PDE11A: variants seen among roughly 807,000 people sequenced by gnomAD.
PDE11A encodes the protein dual 3',5'-cyclic-AMP and -GMP phosphodiesterase 11A.
A neutral mutation model predicts 100.5 loss-of-function variants in PDE11A; 100 were observed. The ratio of observed to expected loss-of-function variants is 1.00; its 90% CI spans 0.85 to 1.18. The LOEUF (loss-of-function observed/expected upper bound fraction) is 1.18. Ranked by LOEUF, PDE11A falls within the 50% of genes most tolerant of loss-of-function variation. PDE11A has a pLI of 0.00. For synonymous variants in PDE11A, 381 were observed against 420.8 expected, an observed-to-expected ratio of 0.91 and a Z score of 1.16; for missense variants, 1,141 against 1,152.6, an observed-to-expected ratio of 0.99 and a Z score of 0.15.
chr2:177,954,107 C>A (rs1574304891), intron 2 of PDE11A, among the ~76,000 whole-genome samples: 1 of 151,620 alleles, frequency 6.6e-6, no homozygotes, highest in East Asian at 1.9e-4. Context: ...TCTTTGAAAT[C>A]CTGAATCCTA....
At chr2:177,796,864 C>T (rs887334712) in intron 9 of PDE11A, among the ~76,000 whole-genome samples, 9 of 152,140 alleles carry the variant, frequency 5.9e-5, no homozygotes, top group African/African-American at 2.2e-4. Context: ...TTAGACTCAG[C>T]AACTGCTCCA....
intron 1 of PDE11A, among the ~76,000 whole-genome samples, chr2:178,016,621 T>C (rs565239335): frequency 6.6e-6 from 1 of 152,130 alleles, no homozygotes; most frequent in Admixed American, 6.5e-5. Context: ...AGAGACTGAA[T>C]ATGAAGGACT....
intron 1 of PDE11A, among the ~76,000 whole-genome samples, chr2:178,041,412 T>C (rs2086681776): frequency 6.6e-6 from 1 of 151,636 alleles, no homozygotes; most frequent in African/African-American, 2.4e-5. Context: ...CCCGGCTAAT[T>C]TTTGTATTTT....
intron 2 of PDE11A, among the ~76,000 whole-genome samples, chr2:177,935,155 A>C (rs1428044149): frequency 1.3e-5 from 2 of 152,156 alleles, no homozygotes; most frequent in African/African-American, 4.8e-5. Flanking sequence ...AAGCACACAA[A>C]ATATCTTGTT....
intron 6 of PDE11A, among the ~76,000 whole-genome samples, chr2:177,824,337 G>C (rs941869750): frequency 3.9e-5 from 6 of 152,192 alleles, no homozygotes; most frequent in African/African-American, 7.2e-5. Context: ...TAAGTTAATT[G>C]CATAGTTATT....
At chr2:177,645,293 C>G (rs1287925597) in intron 19 of PDE11A, among the ~76,000 whole-genome samples, 1 of 152,220 alleles carries the variant, frequency 6.6e-6, no homozygotes, top group East Asian at 1.9e-4. Context: ...TCAAGTGATT[C>G]TCTTGCCTCA....
intron 10 of PDE11A, among the ~76,000 whole-genome samples, chr2:177,755,685 A>G (rs2082081674): frequency 6.6e-6 from 1 of 152,236 alleles, no homozygotes; most frequent in South Asian, 2.1e-4. Flanking sequence ...GACCAATCAG[A>G]AAATGTCCCT....
chr2:177,942,819 G>T (rs549730526), intron 2 of PDE11A, among the ~76,000 whole-genome samples: 1 of 152,084 alleles, frequency 6.6e-6, no homozygotes, highest in Non-Finnish European at 1.5e-5. Flanking sequence ...CAGACCTTTA[G>T]AACTTTTATC....
intron 1 of PDE11A, among the ~76,000 whole-genome samples, chr2:178,033,833 A>G (rs1269417743): frequency 2.0e-5 from 3 of 152,226 alleles, no homozygotes; most frequent in African/African-American, 7.2e-5. Flanking sequence ...AATCCTTTCC[A>G]GACAAGCAAA....
At chr2:177,690,526 T>C (rs1028949386) in intron 15 of PDE11A, among the ~76,000 whole-genome samples, 17 of 152,256 alleles carry the variant, frequency 1.1e-4, no homozygotes, top group African/African-American at 3.4e-4. Context: ...GTCTAGATAT[T>C]AATCTAATTT....
intron 15 of PDE11A, among the ~76,000 whole-genome samples, chr2:177,692,689 C>A (rs906895499): frequency 2.0e-5 from 3 of 152,210 alleles, no homozygotes; most frequent in Non-Finnish European, 4.4e-5. Flanking sequence ...CATTAACCCC[C>A]AGGCTCAGGT....
chr2:177,910,689 T>C (rs1221057340), intron 2 of PDE11A, among the ~76,000 whole-genome samples: 1 of 152,154 alleles, frequency 6.6e-6, no homozygotes, highest in Non-Finnish European at 1.5e-5. Context: ...GAAAGAGAGT[T>C]AAACTGAAAA....
chr2:178,104,510 A>AT (rs1559073068), intron 1 of PDE11A: 2 of 1,555,652 alleles, frequency 1.3e-6, no homozygotes, highest in East Asian at 2.2e-5. Context: ...AAACCAAAAA[A>AT]ATATATATAT....
intron 2 of PDE11A, among the ~76,000 whole-genome samples, chr2:177,989,693 C>T (rs879914025): frequency 2.0e-5 from 3 of 152,124 alleles, no homozygotes; most frequent in Non-Finnish European, 2.9e-5. Flanking sequence ...TTCCTTCAAC[C>T]TGAGGTTAGG....
At chr2:178,009,126 C>A (rs565759993) in intron 2 of PDE11A, among the ~76,000 whole-genome samples, 123 of 152,274 alleles carry the variant, frequency 8.1e-4, no homozygotes, top group African/African-American at 2.9e-3. Context: ...CTGGCGTGCC[C>A]ACACATCTTA....
intron 1 of PDE11A, chr2:178,018,476 T>G: frequency 2.0e-6 from 1 of 506,834 alleles, no homozygotes; most frequent in Admixed American, 2.0e-5. Flanking sequence ...CCTTTTAGAC[T>G]TAACACCTTA....
intron 19 of PDE11A, among the ~76,000 whole-genome samples, chr2:177,660,643 A>C (rs16865535): frequency 0.043 from 6,591 of 152,256 alleles, 148 homozygotes; most frequent in East Asian, 0.082. Flanking sequence ...TTTCGATTTT[A>C]AATGCACTGG....
chr2:177,692,883 TA>T (rs1302269458), intron 15 of PDE11A, among the ~76,000 whole-genome samples: 1 of 152,204 alleles, frequency 6.6e-6, no homozygotes, highest in African/African-American at 2.4e-5. Flanking sequence ...GAATCTCATA[TA>T]TTTTTTTCCT....
intron 8 of PDE11A, 30 bp downstream of exon 8, chr2:177,817,828 T>A (rs765928636): frequency 1.3e-6 from 1 of 792,070 alleles, no homozygotes; most frequent in Non-Finnish European, 2.0e-6. Context: ...TATTGATGAC[T>A]CCACTTGGTT....
Sources: gnomAD v4.1 joint callset for allele counts (sites outside exome capture counted in the v4.1 genomes callset) on GRCh38, gnomAD v4.1.1 for gene constraint, MANE v1.5 for transcripts, NCBI Gene and HGNC (gene_info 2026-07-23, HGNC 2026-07-21) for gene names.